Variants in FNDC3A observed in about 807,000 individuals in gnomAD.
FNDC3A encodes fibronectin type-III domain-containing protein 3A.
FNDC3A carries 32 observed loss-of-function variants against 148.9 expected under a neutral mutation model. That is an observed-to-expected ratio of 0.21 (90% CI 0.16 to 0.29). FNDC3A has a LOEUF of 0.29. Ranked by LOEUF, FNDC3A falls within the 10% of genes least tolerant of loss-of-function variation. The pLI is 1.00. For synonymous variants in FNDC3A, 472 were observed against 473.6 expected (o/e 1.00, Z 0.04); for missense variants, 1,191 against 1,452.8 (o/e 0.82, Z 2.93).
chr13:49,117,838 C>T (rs1261087026), intron 4 of FNDC3A, among the ~76,000 whole-genome samples: 1 of 152,146 alleles, frequency 6.6e-6, no homozygotes, highest in East Asian at 1.9e-4. Context: ...GAACCAATCC[C>T]CCATGCATAC....
At chr13:49,015,252 G>C (rs1456894815) in intron 2 of FNDC3A, among the ~76,000 whole-genome samples, 1 of 152,122 alleles carries the variant, frequency 6.6e-6, no homozygotes, top group Non-Finnish European at 1.5e-5. Flanking sequence ...TCTTCCATTT[G>C]TTTGTATCCT....
At chr13:48,999,344 C>A (rs1952082255) in intron 1 of FNDC3A, among the ~76,000 whole-genome samples, 1 of 152,186 alleles carries the variant, frequency 6.6e-6, no homozygotes, top group African/African-American at 2.4e-5. Context: ...TTTCTTTAAT[C>A]TGATTTCTAC....
intron 4 of FNDC3A, among the ~76,000 whole-genome samples, chr13:49,129,643 TTAAA>T (rs1237641386): frequency 6.6e-6 from 1 of 152,188 alleles, no homozygotes; most frequent in Non-Finnish European, 1.5e-5. Flanking sequence ...TGCTTGAGAC[TTAAA>T]TTCAGAACTG....
chr13:49,074,695 C>A (rs551062682), intron 2 of FNDC3A, among the ~76,000 whole-genome samples: 63 of 152,060 alleles, frequency 4.1e-4, no homozygotes, highest in African/African-American at 1.4e-3. Flanking sequence ...AGAATTAATC[C>A]TGTGCAGCAT....
intron 17 of FNDC3A, among the ~76,000 whole-genome samples, chr13:49,189,549 T>C (rs73184687): frequency 6.6e-6 from 1 of 151,330 alleles, no homozygotes; most frequent in African/African-American, 2.4e-5. Flanking sequence ...ATTGCTGGGT[T>C]TTTTTTTTGA....
chr13:49,075,800 G>GCCCCCCCCCCCCCCCCCCCCCCCCCCC (rs57432537), intron 3 of FNDC3A, among the ~76,000 whole-genome samples: 5 of 115,224 alleles, frequency 4.3e-5, no homozygotes, highest in African/African-American at 1.4e-4. Context: ...TATCACCACT[G>GCCCCCCCCCCCCCCCCCCCCCCCCCCC]CCCCCCCCAC....
intron 2 of FNDC3A, among the ~76,000 whole-genome samples, chr13:49,057,061 G>A (rs1207937040): frequency 6.6e-6 from 1 of 152,146 alleles, no homozygotes; most frequent in African/African-American, 2.4e-5. Flanking sequence ...AAAGACATTT[G>A]TGTTGGCTTT....
chr13:49,170,080 C>A (rs1884674711), intron 10 of FNDC3A, among the ~76,000 whole-genome samples: 1 of 152,096 alleles, frequency 6.6e-6, no homozygotes, highest in African/African-American at 2.4e-5. Flanking sequence ...ATCCTAACAT[C>A]CCTATATAAG....
intron 3 of FNDC3A, among the ~76,000 whole-genome samples, chr13:49,079,311 A>G (rs1878321218): frequency 6.6e-6 from 1 of 152,246 alleles, no homozygotes; most frequent in Non-Finnish European, 1.5e-5. Context: ...CCTGACATTC[A>G]AGAACAGTGT....
chr13:49,162,940 G>A (rs1884242893), intron 8 of FNDC3A, among the ~76,000 whole-genome samples: 1 of 152,128 alleles, frequency 6.6e-6, no homozygotes, highest in Non-Finnish European at 1.5e-5. Flanking sequence ...CACCAGCGGA[G>A]GCTGCAGAAC....
intron 2 of FNDC3A, among the ~76,000 whole-genome samples, chr13:49,025,617 T>G (rs1461622135): frequency 6.6e-6 from 1 of 152,140 alleles, no homozygotes; most frequent in Admixed American, 6.5e-5. Flanking sequence ...GGAAAGAATT[T>G]AACATTAGTC....
At chr13:49,126,479 TTTGTA>T (rs1408363996) in intron 4 of FNDC3A, among the ~76,000 whole-genome samples, 3 of 152,216 alleles carry the variant, frequency 2.0e-5, no homozygotes, top group Non-Finnish European at 4.4e-5. Context: ...TAAGCTTATC[TTTGTA>T]TTTTAAATGT....
At position 49,188,505 on chromosome 13, in the gene FNDC3A, C is replaced by T. The variant is rs1250846256; in HGVS notation, c.1826-10C>T. On this transcript the variant is annotated splice_polypyrimidine_tract_variant and intron_variant, in intron 16 of 25. Transcript: ENST00000492622. ...TAGTATCTGATTGAACACAATTCCTCACCTTACAGGAAACAAATGGGAAAT... is the reference window on the plus strand; with the variant it reads ...TAGTATCTGATTGAACACAATTCCTTACCTTACAGGAAACAAATGGGAAAT... 1 of 1,559,354 alleles carries T rather than the reference C, an allele frequency of 6.4e-7. No individual in the cohort carries two copies. The highest frequency in any genetic ancestry group is 8.8e-7 in the Non-Finnish European group (1 of 1,130,290).
chr13:49,081,292 G>A (rs987332290), intron 3 of FNDC3A, among the ~76,000 whole-genome samples: 1 of 152,122 alleles, frequency 6.6e-6, no homozygotes, highest in Non-Finnish European at 1.5e-5. Flanking sequence ...ATTATGAAAA[G>A]CAAAAAATAC....
intron 1 of FNDC3A, among the ~76,000 whole-genome samples, chr13:48,986,644 C>T (rs1170150887): frequency 6.6e-6 from 1 of 152,002 alleles, no homozygotes; most frequent in Non-Finnish European, 1.5e-5. Flanking sequence ...GATCCGCCCA[C>T]CTCAGTCTCC....
intron 2 of FNDC3A, among the ~76,000 whole-genome samples, chr13:49,021,179 A>G (rs1295796826): frequency 2.0e-5 from 3 of 152,238 alleles, no homozygotes; most frequent in African/African-American, 7.2e-5. Context: ...ATAATACTAC[A>G]CCTTAACTTG....
At chr13:49,031,622 C>T (rs531635519) in intron 2 of FNDC3A, among the ~76,000 whole-genome samples, 1 of 152,064 alleles carries the variant, frequency 6.6e-6, no homozygotes, top group East Asian at 1.9e-4. Flanking sequence ...ATACCATCTA[C>T]AAAACTAACT....
At chr13:49,097,389 G>GTGTTT (rs1431660305) in intron 3 of FNDC3A, among the ~76,000 whole-genome samples, 1 of 150,902 alleles carries the variant, frequency 6.6e-6, no homozygotes, top group Admixed American at 6.6e-5. Flanking sequence ...TTTTTCTTAA[G>GTGTTT]AAACAACACT....
chr13:49,131,229 A>G lies in FNDC3A; in HGVS notation c.345A>G (p.Pro115=), dbSNP rs774446658. Residue 115 remains proline, a synonymous_variant, in exon 5 of 26, where the codon CCA becomes CCG. Coordinates refer to ENST00000492622, the MANE Select transcript of FNDC3A (RefSeq NM_001079673.2). ...PGSHTVLHRS[P]HPPLPGFIPV... ...GTCACACAGTTCTCCACCGTTCTCC[A>G]CATCCTCCTCTACCTGGTTTCATTC... 61 of 1,614,046 alleles carry G rather than the reference A, an allele frequency of 3.8e-5. No individual in the cohort carries two copies. Among genetic ancestry groups the G allele is most frequent in the Non-Finnish European group, 2.5e-5 (30 of 1,180,024 alleles).
Sources: allele counts gnomAD v4.1 joint callset (sites outside exome capture counted in the v4.1 genomes callset), GRCh38; gene constraint gnomAD v4.1.1; transcripts MANE v1.5; gene names NCBI Gene and HGNC (gene_info 2026-07-23, HGNC 2026-07-21).